BMPR1B: variants seen among roughly 807,000 people sequenced by gnomAD.
BMPR1B encodes bone morphogenetic protein receptor type 1B, also known as bone morphogenetic protein receptor type-1B.
In BMPR1B, 12 loss-of-function variants were observed where a neutral mutation model predicts 59.1. The ratio of observed to expected loss-of-function variants is 0.20; its 90% CI spans 0.13 to 0.33. The LOEUF (loss-of-function observed/expected upper bound fraction) is 0.33. Ranked by LOEUF, BMPR1B falls within the 10% of genes least tolerant of loss-of-function variation. The pLI, the probability that BMPR1B is intolerant of heterozygous loss-of-function variation, is 1.00. For missense variants in BMPR1B, 550 were observed against 610.9 expected (o/e 0.90, Z 1.05); for synonymous variants, 237 against 207.3 (o/e 1.14, Z -1.23).
intron 2 of BMPR1B, among the ~76,000 whole-genome samples, chr4:94,878,611 TC>T (rs1347485484): frequency 6.6e-6 from 1 of 152,168 alleles, no homozygotes; most frequent in Non-Finnish European, 1.5e-5. Flanking sequence ...ATTATGTGGC[TC>T]CCAGCCAGAT....
chr4:95,012,521 A>G lies in BMPR1B; in HGVS notation c.-18+16387A>G, dbSNP rs188735041. Among the ~76,000 whole-genome samples, 102 of 152,294 alleles carry G rather than the reference A, an allele frequency of 6.7e-4. 1 individual carries two copies. Among genetic ancestry groups the G allele is most frequent in the Admixed American group, 6.1e-3 (94 of 15,294 alleles). On this transcript the variant is annotated intron_variant, in intron 3 of 12. Coordinates refer to ENST00000515059, the MANE Select transcript of BMPR1B (RefSeq NM_001203.3). ...GATTCTTGATATATTTGAATGATTCATTTCTAATCTTAAGCATTTGTACTT... is the reference window on the plus strand; with the variant it reads ...GATTCTTGATATATTTGAATGATTCGTTTCTAATCTTAAGCATTTGTACTT...
intron 3 of BMPR1B, among the ~76,000 whole-genome samples, chr4:95,005,536 C>G (rs565226736): frequency 3.9e-5 from 6 of 152,120 alleles, no homozygotes; most frequent in Non-Finnish European, 8.8e-5. Context: ...CATGTTATCA[C>G]TCCCCTCTGT....
At chr4:95,043,901 A>G (rs1347237997) in intron 3 of BMPR1B, among the ~76,000 whole-genome samples, 2 of 152,216 alleles carry the variant, frequency 1.3e-5, no homozygotes, top group Non-Finnish European at 2.9e-5. Flanking sequence ...TATTTGTATT[A>G]GGTGAAAAAT....
At chr4:95,126,523 T>C (rs1006214586) in intron 8 of BMPR1B, among the ~76,000 whole-genome samples, 1 of 152,164 alleles carries the variant, frequency 6.6e-6, no homozygotes, top group Non-Finnish European at 1.5e-5. Flanking sequence ...ACCAGAAATA[T>C]CAGTATAACC....
chr4:94,887,562 G>A (rs1727232843), intron 2 of BMPR1B, among the ~76,000 whole-genome samples: 1 of 151,710 alleles, frequency 6.6e-6, no homozygotes. Context: ...AAAAACTACT[G>A]TATTGAACTT....
chr4:95,047,588 G>A (rs533466382), intron 3 of BMPR1B, among the ~76,000 whole-genome samples: 1 of 152,260 alleles, frequency 6.6e-6, no homozygotes, highest in South Asian at 2.1e-4. Flanking sequence ...TTATTCCAGT[G>A]TAAAGTTATA....
At chr4:95,026,098 A>ATTTATTTCTTTCTTTC (rs1553928440) in intron 3 of BMPR1B, among the ~76,000 whole-genome samples, 5 of 101,620 alleles carry the variant, frequency 4.9e-5, no homozygotes, top group African/African-American at 1.5e-4. Context: ...GCTTTCTTTC[A>ATTTATTTCTTTCTTTC]TTTCTTTCTT....
chr4:95,103,459 A>G (rs1730968850), intron 3 of BMPR1B: 4 of 985,352 alleles, frequency 4.1e-6, no homozygotes, highest in Non-Finnish European at 4.8e-6. Context: ...CACGGTGACA[A>G]TTTATGCAGT....
intron 3 of BMPR1B, among the ~76,000 whole-genome samples, chr4:95,079,211 T>C (rs771310174): frequency 6.6e-6 from 1 of 152,216 alleles, no homozygotes; most frequent in Non-Finnish European, 1.5e-5. Context: ...ACAATTGAGA[T>C]AGGACAGAAT....
At chr4:95,049,562 A>G (rs1227601491) in intron 3 of BMPR1B, among the ~76,000 whole-genome samples, 1 of 148,256 alleles carries the variant, frequency 6.7e-6, no homozygotes, top group Non-Finnish European at 1.5e-5. Context: ...ACCACTTACT[A>G]ATAGGAGCTG....
intron 3 of BMPR1B, among the ~76,000 whole-genome samples, chr4:95,031,730 A>C (rs775711046): frequency 2.0e-4 from 30 of 152,134 alleles, no homozygotes; most frequent in Non-Finnish European, 3.5e-4. Context: ...GTATCCTGGA[A>C]ATCCAGGTTG....
intron 3 of BMPR1B, among the ~76,000 whole-genome samples, chr4:95,031,289 C>T (rs1384886305): frequency 6.6e-6 from 1 of 152,036 alleles, no homozygotes; most frequent in African/African-American, 2.4e-5. Context: ...GAATTGAGAG[C>T]TGAGAGAGAA....
intron 4 of BMPR1B, among the ~76,000 whole-genome samples, chr4:95,112,314 A>G (rs1422755586): frequency 6.6e-6 from 1 of 152,100 alleles, no homozygotes; most frequent in Non-Finnish European, 1.5e-5. Flanking sequence ...AAACATGGCA[A>G]CCAGGCAGCA....
intron 3 of BMPR1B, among the ~76,000 whole-genome samples, chr4:95,002,152 A>G (rs972258155): frequency 2.0e-4 from 30 of 152,054 alleles, no homozygotes; most frequent in African/African-American, 7.2e-4. Context: ...CACCTCTGGT[A>G]GTCTCCAGTT....
intron 3 of BMPR1B, among the ~76,000 whole-genome samples, chr4:95,063,957 T>C (rs1024583172): frequency 1.3e-5 from 2 of 152,114 alleles, no homozygotes; most frequent in Non-Finnish European, 2.9e-5. Context: ...AGTCAGCAGA[T>C]TGGCAAAATA....
At chr4:94,970,355 A>C (rs1730742327) in intron 2 of BMPR1B, among the ~76,000 whole-genome samples, 1 of 145,202 alleles carries the variant, frequency 6.9e-6, no homozygotes, top group Non-Finnish European at 1.5e-5. Flanking sequence ...ACTCTCTGTC[A>C]CCCAGGCTGG....
At chr4:94,787,874 T>G (rs1722821297) in intron 1 of BMPR1B, among the ~76,000 whole-genome samples, 1 of 152,140 alleles carries the variant, frequency 6.6e-6, no homozygotes, top group Non-Finnish European at 1.5e-5. Flanking sequence ...GATCACAAGA[T>G]TCACTGGAGT....
intron 1 of BMPR1B, among the ~76,000 whole-genome samples, chr4:94,808,869 A>C (rs1723710019): frequency 6.6e-6 from 1 of 152,296 alleles, no homozygotes; most frequent in Middle Eastern, 3.4e-3. Context: ...AGCTCGGCCA[A>C]CATGGTGAAA....
chr4:94,952,098 A>G (rs945427903), intron 2 of BMPR1B, among the ~76,000 whole-genome samples: 6 of 152,018 alleles, frequency 3.9e-5, no homozygotes, highest in African/African-American at 7.2e-5. Context: ...GGGATCAGAG[A>G]TGATCTCCCC....
Sources: gnomAD v4.1 joint callset for allele counts (sites outside exome capture counted in the v4.1 genomes callset) on GRCh38, gnomAD v4.1.1 for gene constraint, MANE v1.5 for transcripts, NCBI Gene and HGNC (gene_info 2026-07-23, HGNC 2026-07-21) for gene names.